PPP1R42: variants seen among roughly 807,000 people sequenced by gnomAD.
The protein encoded by PPP1R42 is leucine rich repeat containing 67.
In PPP1R42, 34 loss-of-function variants were observed where a neutral mutation model predicts 31.0. The ratio of observed to expected loss-of-function variants is 1.10; its 90% CI spans 0.83 to 1.46. The LOEUF (loss-of-function observed/expected upper bound fraction) is 1.46, where lower values mean the gene tolerates loss of function less well. PPP1R42 is among the 40% of genes most tolerant of loss of function. The pLI is 0.00. For missense variants in PPP1R42, 268 were observed against 303.0 expected (o/e 0.88, Z 0.86); for synonymous variants, 103 against 109.8 (o/e 0.94, Z 0.39).
intron 1 of PPP1R42, among the ~76,000 whole-genome samples, chr8:67,022,194 G>C (rs1816241688): frequency 1.3e-5 from 2 of 152,132 alleles, no homozygotes; most frequent in African/African-American, 4.8e-5. Context: ...TTAACTTTTT[G>C]CCAAGCTGAT....
intron 5 of PPP1R42, among the ~76,000 whole-genome samples, chr8:67,006,313 T>C (rs973967822): frequency 6.6e-6 from 1 of 152,212 alleles, no homozygotes; most frequent in Admixed American, 6.5e-5. Context: ...AATTCCTTCA[T>C]AGCACTTTTC....
Position 66,964,245 on chromosome 8 carries a change from T to C in PPP1R42, c.*76A>G. On this transcript the variant is annotated 3_prime_UTR_variant, in exon 8 of 8. Transcript: ENST00000685739. ...AATTTACTCATTTTCCACAAACAAA[T>C]TTTCTTTTTCTTCTGGGTTATGGAA... 8.9e-7 allele frequency: 1 copy of C among 1,118,952 alleles called. No homozygotes were observed. Among genetic ancestry groups the C allele is most frequent in the South Asian group, 1.3e-5 (1 of 76,802 alleles). The allele number at this position is 1,118,952 out of a possible 1,614,324, so 69.3% of individuals were successfully genotyped here.
Position 67,010,848 on chromosome 8 carries a change from GAA to G in PPP1R42, c.436-19_436-18del. 6.4e-7 allele frequency: 1 copy of G among 1,561,514 alleles called. No homozygotes were observed. Among genetic ancestry groups the G allele is most frequent in the South Asian group, 1.2e-5 (1 of 82,534 alleles). ...GAGGGATTTCTGTAAGAAAAATAAC[GAA>G]GTTAGCATTAGTAAATAGTCTAAAT... On this transcript the variant is annotated intron_variant, in intron 4 of 7. Transcript: ENST00000685739.
intron 2 of PPP1R42, among the ~76,000 whole-genome samples, chr8:67,017,388 G>A (rs1816045935): frequency 6.6e-6 from 1 of 152,114 alleles, no homozygotes; most frequent in African/African-American, 2.4e-5. Context: ...CAGCTACTCG[G>A]TAGGCTGAGG....
At chr8:66,975,976 C>T (rs923119635) in intron 7 of PPP1R42, among the ~76,000 whole-genome samples, 3 of 152,134 alleles carry the variant, frequency 2.0e-5, no homozygotes, top group Non-Finnish European at 4.4e-5. Context: ...TGGTCTGTGG[C>T]CTATTAGAAA....
intron 2 of PPP1R42, 147 bp downstream of exon 2, chr8:67,017,472 C>T (rs1816049281): frequency 2.6e-6 from 1 of 390,150 alleles, no homozygotes; most frequent in Non-Finnish European, 4.3e-6. Flanking sequence ...CCAGCCTGGG[C>T]AACAGACGGA....
chr8:67,015,025 T>A (rs1815964454), intron 2 of PPP1R42, among the ~76,000 whole-genome samples: 1 of 151,490 alleles, frequency 6.6e-6, no homozygotes. Flanking sequence ...ATTATTATTA[T>A]TTTTTTTTCC....
At chr8:66,986,269 A>T in intron 6 of PPP1R42, 3 of 507,488 alleles carry the variant, frequency 5.9e-6, no homozygotes, top group Non-Finnish European at 1.1e-5. Flanking sequence ...GGGAGAAAAG[A>T]TTAAGGAAGA....
At chr8:66,997,034 T>A (rs540937172) in intron 5 of PPP1R42, among the ~76,000 whole-genome samples, 4 of 152,282 alleles carry the variant, frequency 2.6e-5, no homozygotes, top group Admixed American at 6.5e-5. Flanking sequence ...GTGCCTGTAA[T>A]CTCAGCTACT....
At chr8:67,012,097 G>T (rs928935299) in intron 4 of PPP1R42, among the ~76,000 whole-genome samples, 9 of 152,044 alleles carry the variant, frequency 5.9e-5, no homozygotes, top group African/African-American at 2.2e-4. Flanking sequence ...TTAGCCAGGC[G>T]TGGTGGCGCA....
At chr8:67,011,102 T>C (rs755260911) in intron 4 of PPP1R42, among the ~76,000 whole-genome samples, 4 of 151,778 alleles carry the variant, frequency 2.6e-5, no homozygotes, top group Admixed American at 6.6e-5. Context: ...AATAAACTTA[T>C]AGAATAAAGA....
At chr8:66,968,094 A>G (rs1327503859) in intron 7 of PPP1R42, among the ~76,000 whole-genome samples, 1 of 152,208 alleles carries the variant, frequency 6.6e-6, no homozygotes, top group Non-Finnish European at 1.5e-5. Context: ...TAAAAAATTG[A>G]ACAGTGAAGG....
At chr8:66,972,824 A>T (rs544464502) in intron 7 of PPP1R42, among the ~76,000 whole-genome samples, 6 of 152,188 alleles carry the variant, frequency 3.9e-5, no homozygotes, top group Non-Finnish European at 8.8e-5. Context: ...ACATATTTCC[A>T]CATCTGTTAT....
Position 66,984,312 on chromosome 8 carries a change from C to CT in PPP1R42, c.671-2133_671-2132insA, listed in dbSNP as rs1423564993. 4 of 1,303,924 alleles carry CT rather than the reference C, an allele frequency of 3.1e-6. No homozygotes were observed. The African/African-American group carries it at 4.4e-5, about 14-fold the overall frequency. 80.8% of individuals were successfully genotyped at this position (1,303,924 alleles called of 1,614,324 possible). A position where few individuals can be genotyped will look rare whatever the true frequency, so the allele number is the denominator to read the frequency against. On this transcript the variant is annotated intron_variant, in intron 6 of 7. Coordinates refer to ENST00000685739, the MANE Select transcript of PPP1R42 (RefSeq NM_001364910.1). The stretch of plus-strand genomic sequence containing the variant: ...ATAGTACACATTTGTTGGTTTTCTT[C>CT]ACAGCTTCCTCATCAGGTTCCTCAT...
chr8:67,003,309 C>G (rs1815563477), intron 5 of PPP1R42, among the ~76,000 whole-genome samples: 1 of 148,788 alleles, frequency 6.7e-6, no homozygotes, highest in Non-Finnish European at 1.5e-5. Flanking sequence ...AGTCTTATCT[C>G]CTAATTCTAT....
chr8:67,009,227 G>A (rs539820829), intron 5 of PPP1R42, among the ~76,000 whole-genome samples: 129 of 151,908 alleles, frequency 8.5e-4, no homozygotes, highest in African/African-American at 3.0e-3. Flanking sequence ...CCAAGATCAC[G>A]CCACTGCACT....
In PPP1R42 at chr8:67,004,233, C is replaced by G. The variant is rs937026594; in HGVS notation, c.552+6482G>C. ...ATGAGGACACATCCCCTCTGAATGCCGCAAGGCTCTATCTTGGAAGCAGAG... is the reference window on the plus strand; with the variant it reads ...ATGAGGACACATCCCCTCTGAATGCGGCAAGGCTCTATCTTGGAAGCAGAG... On this transcript the variant is annotated intron_variant, in intron 5 of 7. Transcript: ENST00000685739. 2.6e-5 allele frequency among the ~76,000 whole-genome samples: 4 copies of G among 152,332 alleles called. No individual in the cohort carries two copies. The East Asian group carries it at 7.7e-4, about 29-fold the overall frequency.
intron 5 of PPP1R42, among the ~76,000 whole-genome samples, chr8:66,989,147 A>G (rs140610605): frequency 3.5e-4 from 54 of 152,230 alleles, no homozygotes; most frequent in African/African-American, 7.9e-4. Flanking sequence ...TGTGAGTACA[A>G]TTTTGTTTTA....
chr8:67,011,097 A>G (rs1815831151), intron 4 of PPP1R42, among the ~76,000 whole-genome samples: 2 of 152,190 alleles, frequency 1.3e-5, no homozygotes, highest in Admixed American at 1.3e-4. Context: ...TACAAAATAA[A>G]CTTATAGAAT....
Sources: allele counts gnomAD v4.1 joint callset (sites outside exome capture counted in the v4.1 genomes callset), GRCh38; gene constraint gnomAD v4.1.1; transcripts MANE v1.5; gene names NCBI Gene and HGNC (gene_info 2026-07-23, HGNC 2026-07-21).